PCNX2: variants seen among roughly 807,000 people sequenced by gnomAD.
The protein encoded by PCNX2 is pecanex-like protein 2.
A neutral mutation model predicts 223.8 loss-of-function variants in PCNX2; 168 were observed. The observed-to-expected ratio is 0.75, with a 90% CI of 0.66 to 0.85. The LOEUF is 0.85. PCNX2 is among the 40% of genes least tolerant of loss of function. The pLI is 0.00. For synonymous variants in PCNX2, 1,006 were observed against 1,052.6 expected (o/e 0.96, Z 0.86); for missense variants, 2,507 against 2,675.5 (o/e 0.94, Z 1.39).
chr1:233,101,058 C>T (rs1378350028), intron 21 of PCNX2, among the ~76,000 whole-genome samples: 4 of 152,134 alleles, frequency 2.6e-5, no homozygotes, highest in Non-Finnish European at 5.9e-5. Context: ...GAAGCTGAGG[C>T]TCTTGAGTGC....
intron 1 of PCNX2, chr1:233,292,037 C>G (rs569876139): frequency 2.3e-4 from 225 of 967,228 alleles, no homozygotes; most frequent in Non-Finnish European, 2.6e-4. Context: ...TTTATAAATG[C>G]TAATTAATCA....
intron 32 of PCNX2, among the ~76,000 whole-genome samples, chr1:232,994,255 T>C (rs537810978): frequency 6.6e-6 from 1 of 152,344 alleles, no homozygotes; most frequent in South Asian, 2.1e-4. Context: ...CCCAAGGCAT[T>C]GGAAGCCCAC....
chr1:233,132,485 A>T (rs868261870), intron 21 of PCNX2, among the ~76,000 whole-genome samples: 1 of 152,144 alleles, frequency 6.6e-6, no homozygotes, highest in South Asian at 2.1e-4. Flanking sequence ...GTGCTCCCAT[A>T]AATGAAAGCC....
intron 21 of PCNX2, among the ~76,000 whole-genome samples, chr1:233,132,104 A>AT (rs1300578678): frequency 1.3e-5 from 2 of 151,746 alleles, no homozygotes; most frequent in African/African-American, 4.8e-5. Flanking sequence ...GCCCGGCTAA[A>AT]TTTTTTTGTA....
At chr1:233,145,629 G>T (rs1327487610) in intron 19 of PCNX2, among the ~76,000 whole-genome samples, 1 of 152,052 alleles carries the variant, frequency 6.6e-6, no homozygotes, top group Non-Finnish European at 1.5e-5. Flanking sequence ...TGAGCCCCCT[G>T]CTTCCAATAC....
chr1:233,046,827 G>A lies in PCNX2; in HGVS notation c.4351+7441C>T, dbSNP rs143149210. Among the ~76,000 whole-genome samples the A allele has an allele frequency of 2.1e-3, 313 of 152,258 alleles. 1 individual carries two copies. Among genetic ancestry groups the A allele is most frequent in the Middle Eastern group, 6.8e-3 (2 of 294 alleles). On this transcript the variant is annotated intron_variant, in intron 25 of 33. Transcript: ENST00000258229. The stretch of plus-strand genomic sequence containing the variant: ...TGTTGTTGTAATATTGACAAATAAC[G>A]CCTCCCTGTAATCATACCACTGTGC...
At chr1:233,175,943 G>A (rs139203115) in intron 17 of PCNX2, among the ~76,000 whole-genome samples, 4 of 152,216 alleles carry the variant, frequency 2.6e-5, no homozygotes, top group East Asian at 1.9e-4. Flanking sequence ...AGTCCTGTAC[G>A]TCGTCTTGAA....
chr1:233,064,006 T>TA, intron 23 of PCNX2, among the ~76,000 whole-genome samples: 1 of 152,264 alleles, frequency 6.6e-6, no homozygotes, highest in Middle Eastern at 3.4e-3. Context: ...CTTGGCCTTT[T>TA]AGTTTTATTT....
At chr1:233,220,138 CA>C (rs1185639636) in intron 10 of PCNX2, among the ~76,000 whole-genome samples, 1 of 152,178 alleles carries the variant, frequency 6.6e-6, no homozygotes, top group Middle Eastern at 3.2e-3. Context: ...TCTCTTATAG[CA>C]TCTCATTGTA....
chr1:233,262,264 A>G, intron 2 of PCNX2, 99 bp from the exon 3 acceptor site: 1 of 1,399,478 alleles, frequency 7.1e-7, no homozygotes. Flanking sequence ...CCTAGAGTCC[A>G]TTTTGTTATA....
intron 19 of PCNX2, among the ~76,000 whole-genome samples, chr1:233,149,529 A>G (rs903365077): frequency 2.6e-5 from 4 of 152,206 alleles, no homozygotes; most frequent in Admixed American, 1.3e-4. Context: ...GACTCTGCAA[A>G]GTGGAATGAA....
chr1:233,028,982 G>T (rs1558174396), intron 25 of PCNX2, among the ~76,000 whole-genome samples: 1 of 151,810 alleles, frequency 6.6e-6, no homozygotes, highest in Non-Finnish European at 1.5e-5. Context: ...GGGATTACAG[G>T]TGCCTGCCAC....
the PCNX2 span, among the ~76,000 whole-genome samples, chr1:233,304,587 T>G: frequency 6.6e-6 from 1 of 152,102 alleles, no homozygotes; most frequent in African/African-American, 2.4e-5. Context: ...AAAATGCCAG[T>G]TATTATGAGA....
Position 233,295,706 on chromosome 1 carries a change from G to A in PCNX2, c.-228C>T. On this transcript the variant is annotated 5_prime_UTR_variant, in exon 1 of 34. Coordinates refer to ENST00000258229, the MANE Select transcript of PCNX2 (RefSeq NM_014801.4). The surrounding 1 kb of genome is among the most constrained non-coding windows in gnomAD (Gnocchi z 4.1). ...AGCCGGCTGCTGCGGCCGGGCAGGTGAGCGCCATGTCCGAGGGAGGAAGGA... is the reference window on the plus strand; with the variant it reads ...AGCCGGCTGCTGCGGCCGGGCAGGTAAGCGCCATGTCCGAGGGAGGAAGGA... The A allele has an allele frequency of 4.9e-6, 2 of 412,330 alleles. No individual in the cohort carries two copies. Among genetic ancestry groups the A allele is most frequent in the Non-Finnish European group, 4.1e-6 (1 of 244,972 alleles). The allele number at this position is 412,330 out of a possible 1,614,324, so 25.5% of individuals were successfully genotyped here. A position where few individuals can be genotyped will look rare whatever the true frequency, so the allele number is the denominator to read the frequency against.
intron 26 of PCNX2, among the ~76,000 whole-genome samples, chr1:233,022,695 C>CCT (rs1670937043): frequency 7.8e-6 from 1 of 128,678 alleles, no homozygotes; most frequent in African/African-American, 3.0e-5. Flanking sequence ...CTTTTTCTTT[C>CCT]TTTTTTTTTT....
intron 21 of PCNX2, among the ~76,000 whole-genome samples, chr1:233,105,553 T>C (rs1674718988): frequency 6.6e-6 from 1 of 152,078 alleles, no homozygotes; most frequent in East Asian, 1.9e-4. Context: ...GACTAAAATA[T>C]AAGGAGAGAG....
chr1:233,287,459 G>T (rs1469658242), intron 1 of PCNX2, among the ~76,000 whole-genome samples: 1 of 152,128 alleles, frequency 6.6e-6, no homozygotes, highest in African/African-American at 2.4e-5. Context: ...TTCCTATTCT[G>T]TTCTCATGAT....
At chr1:233,227,469 T>A in intron 9 of PCNX2, 98 bp from the exon 10 acceptor site, 1 of 1,032,738 alleles carries the variant, frequency 9.7e-7, no homozygotes, top group South Asian at 2.7e-5. Flanking sequence ...CACACATATA[T>A]ATGTACACCA....
chr1:233,245,170 A>C (rs927442235), intron 8 of PCNX2, among the ~76,000 whole-genome samples: 2 of 152,208 alleles, frequency 1.3e-5, no homozygotes, highest in Admixed American at 6.5e-5. Flanking sequence ...ATTTGATTTA[A>C]TCCCACATTT....
Sources: gnomAD v4.1 joint callset for allele counts (sites outside exome capture counted in the v4.1 genomes callset) on GRCh38, gnomAD v4.1.1 for gene constraint, Gnocchi (gnomAD v3.1) non-coding constraint, MANE v1.5 for transcripts, NCBI Gene and HGNC (gene_info 2026-07-23, HGNC 2026-07-21) for gene names.